Variants in ACACB observed in about 807,000 individuals in gnomAD.
The protein encoded by ACACB is acetyl-CoA carboxylase beta.
In ACACB, 209 loss-of-function variants were observed where a neutral mutation model predicts 278.8. That is an observed-to-expected ratio of 0.75 (90% CI 0.67 to 0.84). The LOEUF (loss-of-function observed/expected upper bound fraction) is 0.84, where lower values mean the gene tolerates loss of function less well. ACACB is among the 40% of genes least tolerant of loss of function. The pLI, the probability that ACACB is intolerant of heterozygous loss-of-function variation, is 0.00. For synonymous variants in ACACB, 1,174 were observed against 1,285.6 expected, an observed-to-expected ratio of 0.91 and a Z score of 1.86; for missense variants, 2,850 against 3,269.0, an observed-to-expected ratio of 0.87 and a Z score of 3.13.
At chr12:109,247,183 CAG>C (rs1187825902) in intron 39 of ACACB, among the ~76,000 whole-genome samples, 9 of 151,710 alleles carry the variant, frequency 5.9e-5, no homozygotes, top group African/African-American at 1.5e-4. Context: ...TGTGAAATGA[CAG>C]GGGACAGTCA....
intron 1 of ACACB, among the ~76,000 whole-genome samples, chr12:109,133,210 C>G (rs577134579): frequency 6.6e-6 from 1 of 151,998 alleles, no homozygotes; most frequent in South Asian, 2.1e-4. Context: ...ACCATTGTAG[C>G]ACACTTTTGT....
rs201035398 is a variant in ACACB, at chr12:109,188,146, C to T, written c.2128C>T (p.Arg710Trp). ...GCACTGCTTCTCCTGGGGAGAGAAC[C>T]GGGAAGAGGCCATTTCGTCAGTATC... is the stretch of plus-strand genomic sequence containing the variant. ...FGHCFSWGENREEAISNMVVA... is the reference protein window; with the variant it reads ...FGHCFSWGENWEEAISNMVVA... The change falls in exon 13 of 53, where the codon CGG becomes TGG. Residue 710 changes from arginine to tryptophan, a missense_variant. This residue lies in a region of ACACB where 2,265 missense variants were observed against 2,561.3 expected (regional missense o/e 0.88). Coordinates refer to ENST00000338432, the MANE Select transcript of ACACB (RefSeq NM_001093.4). The T allele has an allele frequency of 5.0e-6, 8 of 1,602,220 alleles. No homozygotes were observed. The highest frequency in any genetic ancestry group is 1.7e-4 in the Middle Eastern group (1 of 6,046).
chr12:109,226,516 A>C (rs2046316610), intron 27 of ACACB, among the ~76,000 whole-genome samples: 1 of 151,986 alleles, frequency 6.6e-6, no homozygotes, highest in Admixed American at 6.6e-5. Flanking sequence ...ACTGACCAAC[A>C]TGGAGAAACC....
Position 109,117,709 on chromosome 12 carries a change from A to G in ACACB, c.-10+1005A>G, listed in dbSNP as rs999403850. Among the ~76,000 whole-genome samples the G allele has an allele frequency of 2.0e-5, 3 of 152,260 alleles. No homozygotes were observed. The South Asian group carries it at 6.2e-4, about 31-fold the overall frequency. On this transcript the variant is annotated intron_variant, in intron 1 of 52. Transcript: ENST00000338432. ...GGGCATCCATATAGGTTGGGTGACC[A>G]ACCATCCCACTTTGCCCAGGACCGG... is the stretch of plus-strand genomic sequence containing the variant.
At chr12:109,178,620 G>A (rs991307442) in intron 9 of ACACB, among the ~76,000 whole-genome samples, 2 of 152,210 alleles carry the variant, frequency 1.3e-5, no homozygotes, top group African/African-American at 4.8e-5. Context: ...TGGCGGTGCA[G>A]CTGGTAAAGG....
chr12:109,122,440 G>T (rs890439052), intron 1 of ACACB, among the ~76,000 whole-genome samples: 1 of 152,036 alleles, frequency 6.6e-6, no homozygotes, highest in African/African-American at 2.4e-5. Flanking sequence ...TGGGCGTGGT[G>T]GCACATGCCT....
intron 19 of ACACB, among the ~76,000 whole-genome samples, chr12:109,203,711 T>C (rs2045407456): frequency 6.6e-6 from 1 of 152,244 alleles, no homozygotes; most frequent in Non-Finnish European, 1.5e-5. Flanking sequence ...GTCTGTCATG[T>C]GACCCTGAGC....
At chr12:109,121,302 TG>T (rs765243568) in intron 1 of ACACB, among the ~76,000 whole-genome samples, 1 of 152,176 alleles carries the variant, frequency 6.6e-6, no homozygotes, top group Non-Finnish European at 1.5e-5. Flanking sequence ...TGCCTCCTAG[TG>T]TATACTGGAG....
At chr12:109,184,348 C>G (rs945597462) in intron 11 of ACACB, among the ~76,000 whole-genome samples, 1 of 151,998 alleles carries the variant, frequency 6.6e-6, no homozygotes, top group Non-Finnish European at 1.5e-5. Context: ...CCACTGTGCC[C>G]GGCCGTGGGC....
intron 2 of ACACB, among the ~76,000 whole-genome samples, chr12:109,150,897 ACT>A (rs2043352582): frequency 6.7e-6 from 1 of 148,820 alleles, no homozygotes; most frequent in South Asian, 2.2e-4. Flanking sequence ...GCTGGGAGAA[ACT>A]CTCTTTTCAA....
At chr12:109,222,724 C>G in intron 25 of ACACB, 75 bp from the exon 26 acceptor site, 1 of 1,525,096 alleles carries the variant, frequency 6.6e-7, no homozygotes, top group South Asian at 1.1e-5. Flanking sequence ...ACCGTGCTGC[C>G]GGCCCGTGCC....
chr12:109,209,445 G>T, intron 21 of ACACB, 92 bp downstream of exon 21: 1 of 1,358,384 alleles, frequency 7.4e-7, no homozygotes. Context: ...TGATCAAGTT[G>T]AACTCCTTGA....
At chr12:109,176,450 G>A (rs1450218297) in intron 9 of ACACB, among the ~76,000 whole-genome samples, 187 bp downstream of exon 9, 2 of 152,096 alleles carry the variant, frequency 1.3e-5, no homozygotes, top group Non-Finnish European at 2.9e-5. Context: ...GTTTTGTGTC[G>A]ATCTTGACAG....
intron 2 of ACACB, among the ~76,000 whole-genome samples, chr12:109,142,459 T>C (rs2043145150): frequency 6.6e-6 from 1 of 152,298 alleles, no homozygotes; most frequent in South Asian, 2.1e-4. Context: ...ACCCACTGTC[T>C]TCCTGCCACC....
chr12:109,130,475 C>T (rs770841156), intron 1 of ACACB, among the ~76,000 whole-genome samples: 3 of 152,302 alleles, frequency 2.0e-5, no homozygotes, highest in Non-Finnish European at 2.9e-5. Flanking sequence ...GGCCTGGAGC[C>T]GGGGATCTTG....
intron 13 of ACACB, 56 bp downstream of exon 13, chr12:109,188,218 CTT>C: frequency 7.0e-7 from 1 of 1,427,784 alleles, no homozygotes; most frequent in East Asian, 2.4e-5. Flanking sequence ...TCCTTCCTTC[CTT>C]CCTTCCTTCC....
intron 4 of ACACB, among the ~76,000 whole-genome samples, chr12:109,169,694 A>G (rs2044044265): frequency 6.6e-6 from 1 of 152,072 alleles, no homozygotes; most frequent in African/African-American, 2.4e-5. Flanking sequence ...TCTCAACATG[A>G]TCATCGCATC....
At chr12:109,245,890 A>G (rs10774628) in intron 38 of ACACB, 142 bp downstream of exon 38, 451,883 of 1,073,144 alleles carry the variant, frequency 0.42, 97,686 homozygotes, top group Admixed American at 0.51. Context: ...GAAGTTCAAG[A>G]CCAGCCTGGG....
chr12:109,164,517 C>T (rs1007226279), intron 2 of ACACB, among the ~76,000 whole-genome samples: 1 of 152,094 alleles, frequency 6.6e-6, no homozygotes, highest in South Asian at 2.1e-4. Context: ...CAGGCATGAG[C>T]CACCATGCCT....
Sources: gnomAD v4.1 joint callset for allele counts (sites outside exome capture counted in the v4.1 genomes callset) on GRCh38, gnomAD v4.1.1 for gene constraint, gnomAD v4.1.1 regional missense constraint, MANE v1.5 for transcripts, NCBI Gene and HGNC (gene_info 2026-07-23, HGNC 2026-07-21) for gene names.